The following DCC variants were observed in gnomAD, a reference collection of about 807,000 sequenced individuals.
DCC encodes netrin receptor DCC.
Under a neutral mutation model 172.5 loss-of-function variants are expected in DCC, and 58 were observed. The observed-to-expected ratio is 0.34, with a 90% CI of 0.27 to 0.42. The LOEUF is 0.42. Ranked by LOEUF, DCC falls within the 10% of genes least tolerant of loss-of-function variation. The pLI is 1.00. For synonymous variants in DCC, 709 were observed against 644.5 expected, an observed-to-expected ratio of 1.10 and a Z score of -1.52; for missense variants, 1,740 against 1,791.0, an observed-to-expected ratio of 0.97 and a Z score of 0.51.
intron 1 of DCC, among the ~76,000 whole-genome samples, chr18:52,494,778 T>C (rs2030676023): frequency 6.6e-6 from 1 of 152,154 alleles, no homozygotes; most frequent in Admixed American, 6.6e-5. Context: ...CTAATTAAAA[T>C]ACCTGGCTCA....
chr18:53,319,669 G>A (rs1302653422), intron 13 of DCC, among the ~76,000 whole-genome samples: 1 of 152,194 alleles, frequency 6.6e-6, no homozygotes, highest in African/African-American at 2.4e-5. Flanking sequence ...TGGCTGGCCA[G>A]GCAATTCAAA....
chr18:52,482,942 A>G (rs1211378911), intron 1 of DCC, among the ~76,000 whole-genome samples: 2 of 152,092 alleles, frequency 1.3e-5, no homozygotes, highest in East Asian at 3.9e-4. Flanking sequence ...GACTAACAAT[A>G]ATTGAAATGT....
intron 9 of DCC, among the ~76,000 whole-genome samples, chr18:53,181,761 T>TG (rs2055201313): frequency 6.6e-6 from 1 of 152,254 alleles, no homozygotes; most frequent in African/African-American, 2.4e-5. Context: ...TCAGCAGATT[T>TG]GGGGGGAAGC....
At chr18:52,661,519 A>G (rs1164252193) in intron 1 of DCC, among the ~76,000 whole-genome samples, 1 of 152,332 alleles carries the variant, frequency 6.6e-6, no homozygotes, top group African/African-American at 2.4e-5. Flanking sequence ...GGCTCTTCTC[A>G]TGCTGGAAAG....
chr18:53,234,873 G>C (rs550573606), intron 12 of DCC, among the ~76,000 whole-genome samples: 1 of 152,302 alleles, frequency 6.6e-6, no homozygotes, highest in Non-Finnish European at 1.5e-5. Context: ...AGCTTTTGAT[G>C]ACTAGATGGT....
At chr18:53,085,632 A>G (rs1292157759) in intron 7 of DCC, among the ~76,000 whole-genome samples, 2 of 152,084 alleles carry the variant, frequency 1.3e-5, no homozygotes, top group African/African-American at 2.4e-5. Flanking sequence ...AGAACATGCT[A>G]TGTTACAGGG....
intron 2 of DCC, among the ~76,000 whole-genome samples, chr18:52,785,029 G>A (rs952439441): frequency 2.6e-5 from 4 of 151,926 alleles, no homozygotes; most frequent in Admixed American, 6.6e-5. Flanking sequence ...GGAGAAGGTG[G>A]TGTCTGATTT....
chr18:52,603,866 A>G (rs910688941), intron 1 of DCC, among the ~76,000 whole-genome samples: 2 of 81,636 alleles, frequency 2.4e-5, no homozygotes, highest in African/African-American at 8.1e-5. Context: ...AGATTGTTCT[A>G]TTTTTCATTT....
At chr18:53,237,212 A>G (rs1598934568) in intron 12 of DCC, 1 of 154,048 alleles carries the variant, frequency 6.5e-6, no homozygotes, top group Non-Finnish European at 1.5e-5. Context: ...ATTGTCCTTC[A>G]CAGTTAAACA....
intron 9 of DCC, among the ~76,000 whole-genome samples, 190 bp downstream of exon 9, chr18:53,179,306 C>T (rs913589300): frequency 1.3e-5 from 2 of 152,146 alleles, no homozygotes; most frequent in Non-Finnish European, 2.9e-5. Flanking sequence ...TCACTTAGGC[C>T]ACATACCGTA....
chr18:53,088,841 A>G (rs1417843501), intron 7 of DCC, among the ~76,000 whole-genome samples: 1 of 152,198 alleles, frequency 6.6e-6, no homozygotes, highest in Non-Finnish European at 1.5e-5. Context: ...TTATTAACAA[A>G]GTTAATGATC....
At chr18:52,582,704 T>C (rs940951577) in intron 1 of DCC, among the ~76,000 whole-genome samples, 2 of 152,092 alleles carry the variant, frequency 1.3e-5, no homozygotes, top group African/African-American at 4.8e-5. Context: ...CTTCAATATA[T>C]CAGAAGGGGG....
intron 12 of DCC, among the ~76,000 whole-genome samples, chr18:53,300,994 T>TTCTTTCTTTCTTTCTTTCTTTCC: frequency 7.4e-6 from 1 of 134,610 alleles, no homozygotes; most frequent in African/African-American, 2.9e-5. Context: ...TCTTTCTTTT[T>TTCTTTCTTTCTTTCTTTCTTTCC]TTTTCTTTTC....
At chr18:53,185,510 C>T (rs1190089321) in intron 9 of DCC, among the ~76,000 whole-genome samples, 5 of 151,782 alleles carry the variant, frequency 3.3e-5, no homozygotes, top group Non-Finnish European at 7.4e-5. Flanking sequence ...TCACAATAGC[C>T]CTATTCCAAC....
At chr18:52,988,835 C>T (rs2041336330) in intron 5 of DCC, among the ~76,000 whole-genome samples, 1 of 151,984 alleles carries the variant, frequency 6.6e-6, no homozygotes, top group Non-Finnish European at 1.5e-5. Flanking sequence ...CATCCTTATA[C>T]ATACTAAATA....
intron 5 of DCC, among the ~76,000 whole-genome samples, chr18:52,947,324 C>G (rs1281361290): frequency 6.6e-6 from 1 of 152,130 alleles, no homozygotes; most frequent in Non-Finnish European, 1.5e-5. Context: ...ACAATGCAAA[C>G]TGTCTATATA....
At chr18:53,251,639 A>C (rs1760788815) in intron 12 of DCC, among the ~76,000 whole-genome samples, 2 of 151,928 alleles carry the variant, frequency 1.3e-5, no homozygotes, top group African/African-American at 4.8e-5. Flanking sequence ...TTTTTTAAAA[A>C]GTTACATACA....
intron 1 of DCC, among the ~76,000 whole-genome samples, chr18:52,552,308 G>A (rs547125158): frequency 6.6e-6 from 1 of 151,970 alleles, no homozygotes. Flanking sequence ...AAAAGGAATT[G>A]TTATCACAGG....
chr18:52,992,920 A>C (rs889958310), intron 5 of DCC, among the ~76,000 whole-genome samples: 1 of 151,710 alleles, frequency 6.6e-6, no homozygotes, highest in African/African-American at 2.4e-5. Context: ...CAGAGCTTGC[A>C]GTGAGCCAAG....
Sources: allele counts gnomAD v4.1 joint callset (sites outside exome capture counted in the v4.1 genomes callset), GRCh38; gene constraint gnomAD v4.1.1; transcripts MANE v1.5; gene names NCBI Gene and HGNC (gene_info 2026-07-23, HGNC 2026-07-21).